The following KIAA0040 variants were observed in gnomAD, a reference collection of about 807,000 sequenced individuals.
KIAA0040 encodes the protein KIAA0040.
A neutral mutation model predicts 7.2 loss-of-function variants in KIAA0040; 10 were observed. That is an observed-to-expected ratio of 1.38 (90% CI 0.85 to 2.34). The LOEUF is 2.34. Ranked by LOEUF, KIAA0040 falls within the 30% of genes most tolerant of loss-of-function variation. The probability of loss-of-function intolerance (pLI) is 0.00; values close to 1 mark genes in which losing one functional copy is unlikely to be tolerated. For synonymous variants in KIAA0040, 49 were observed against 40.1 expected, an observed-to-expected ratio of 1.22 and a Z score of -0.84; for missense variants, 89 against 108.2, an observed-to-expected ratio of 0.82 and a Z score of 0.79.
intron 2 of KIAA0040, among the ~76,000 whole-genome samples, chr1:175,169,296 G>A (rs1269563318): frequency 6.6e-6 from 1 of 152,176 alleles, no homozygotes. Flanking sequence ...TAGTGCTTTT[G>A]AGCAGTGGTT....
intron 1 of KIAA0040, among the ~76,000 whole-genome samples, chr1:175,184,524 T>G (rs1263167464): frequency 6.6e-6 from 1 of 152,202 alleles, no homozygotes; most frequent in African/African-American, 2.4e-5. Flanking sequence ...ACAACTGTTT[T>G]GAGAAAGTCT....
intron 2 of KIAA0040, among the ~76,000 whole-genome samples, chr1:175,169,887 T>C (rs1676917307): frequency 6.6e-6 from 1 of 152,124 alleles, no homozygotes; most frequent in Non-Finnish European, 1.5e-5. Context: ...TTTCCTACTT[T>C]CCCTTTTTTC....
intron 1 of KIAA0040, among the ~76,000 whole-genome samples, chr1:175,187,536 T>A (rs1478336461): frequency 6.6e-6 from 1 of 152,178 alleles, no homozygotes; most frequent in Non-Finnish European, 1.5e-5. Context: ...ACATTTAATA[T>A]CTTACTTGAG....
chr1:175,171,504 T>C (rs999654575), intron 2 of KIAA0040, among the ~76,000 whole-genome samples: 4 of 152,030 alleles, frequency 2.6e-5, no homozygotes, highest in Non-Finnish European at 4.4e-5. Context: ...GGAGAAAGAG[T>C]AGAAGAACCA....
intron 1 of KIAA0040, among the ~76,000 whole-genome samples, chr1:175,182,056 G>A (rs1421412187): frequency 6.6e-6 from 1 of 152,186 alleles, no homozygotes; most frequent in Non-Finnish European, 1.5e-5. Context: ...ATTTTTCAAG[G>A]TTCTGGCCGT....
intron 1 of KIAA0040, among the ~76,000 whole-genome samples, chr1:175,178,739 G>A (rs1003849444): frequency 2.6e-5 from 4 of 152,192 alleles, no homozygotes; most frequent in Non-Finnish European, 5.9e-5. Flanking sequence ...TCTAAGACGG[G>A]AAGACAATGA....
At position 175,157,132 on chromosome 1, in the gene KIAA0040, G is replaced by A. The variant is rs1233295231; in HGVS notation, c.*3582C>T. 6.6e-6 allele frequency: 1 copy of A among 152,088 alleles called. No homozygotes were observed. Among genetic ancestry groups the A allele is most frequent in the Non-Finnish European group, 1.5e-5 (1 of 68,048 alleles). The allele number at this position is 152,088 out of a possible 1,614,324, so 9.4% of individuals were successfully genotyped here. Reference sequence around the variant, plus strand: ...AGTTTTTGCCCTAGTGGCTACTATAGAGGTTTTTGATCCCTCCTTTCCCAA... The same window carrying A: ...AGTTTTTGCCCTAGTGGCTACTATAAAGGTTTTTGATCCCTCCTTTCCCAA... On this transcript the variant is annotated 3_prime_UTR_variant, in exon 4 of 4. Transcript: ENST00000423313.
rs1676301390 is a variant in KIAA0040 at position 175,157,106 on chromosome 1, C to T, written c.*3608G>A. The T allele has an allele frequency of 1.3e-5, 2 of 152,194 alleles. No homozygotes were observed. Among genetic ancestry groups the T allele is most frequent in the South Asian group, 2.1e-4 (1 of 4,830 alleles). 9.4% of individuals were successfully genotyped at this position (152,194 alleles called of 1,614,324 possible). A position where few individuals can be genotyped will look rare whatever the true frequency, so the allele number is the denominator to read the frequency against. On this transcript the variant is annotated 3_prime_UTR_variant, in exon 4 of 4. Coordinates refer to ENST00000423313, the MANE Select transcript of KIAA0040 (RefSeq NM_014656.3). ...ACACACTTACACACACACATACACA[C>T]AGTTTTTGCCCTAGTGGCTACTATA...
At chr1:175,174,102 A>G (rs1348988657) in intron 2 of KIAA0040, among the ~76,000 whole-genome samples, 1 of 147,858 alleles carries the variant, frequency 6.8e-6, no homozygotes, top group East Asian at 2.1e-4. Context: ...GAAGCATTTT[A>G]AGCTCACCTC....
At chr1:175,182,888 C>T (rs1470763873) in intron 1 of KIAA0040, among the ~76,000 whole-genome samples, 1 of 152,202 alleles carries the variant, frequency 6.6e-6, no homozygotes, top group Non-Finnish European at 1.5e-5. Flanking sequence ...ACCCTGTAGG[C>T]ATCTGAGCTT....
At chr1:175,189,168 C>A (rs989475596) in intron 1 of KIAA0040, among the ~76,000 whole-genome samples, 7 of 152,146 alleles carry the variant, frequency 4.6e-5, no homozygotes, top group African/African-American at 1.7e-4. Flanking sequence ...TATTAGAACT[C>A]TGTTTACTTG....
At chr1:175,164,619 T>G (rs1316088632) in intron 3 of KIAA0040, among the ~76,000 whole-genome samples, 1 of 151,990 alleles carries the variant, frequency 6.6e-6, no homozygotes, top group Non-Finnish European at 1.5e-5. Context: ...TCTGGATTCC[T>G]AAAGGGACTT....
chr1:175,185,007 A>C (rs1405093840), intron 1 of KIAA0040, among the ~76,000 whole-genome samples: 2 of 152,126 alleles, frequency 1.3e-5, no homozygotes, highest in Non-Finnish European at 2.9e-5. Flanking sequence ...CTTCGTGGAG[A>C]CCTCAATTTC....
intron 3 of KIAA0040, among the ~76,000 whole-genome samples, chr1:175,163,063 G>T (rs766898638): frequency 2.6e-5 from 4 of 152,170 alleles, no homozygotes; most frequent in Non-Finnish European, 5.9e-5. Context: ...CACACGGTGA[G>T]TGAGTGCCAG....
chr1:175,186,499 C>T (rs1484134216), intron 1 of KIAA0040, among the ~76,000 whole-genome samples: 2 of 152,214 alleles, frequency 1.3e-5, no homozygotes, highest in African/African-American at 4.8e-5. Context: ...CGAACTTCTT[C>T]CTCTGTGGCA....
chr1:175,178,279 C>T (rs1444338392), intron 1 of KIAA0040, among the ~76,000 whole-genome samples: 1 of 152,222 alleles, frequency 6.6e-6, no homozygotes, highest in Non-Finnish European at 1.5e-5. Context: ...TGCCAGGAGG[C>T]AGGGGGGCAG....
At chr1:175,184,681 G>A (rs1677585996) in intron 1 of KIAA0040, among the ~76,000 whole-genome samples, 1 of 152,162 alleles carries the variant, frequency 6.6e-6, no homozygotes, top group African/African-American at 2.4e-5. Context: ...GAAATGCAAT[G>A]ATGGAATAGT....
rs1425253490 is a variant in KIAA0040 at position 175,159,429 on chromosome 1, CCCTTAA to C, written c.*1279_*1284del. 1 of 152,226 alleles carries C rather than the reference CCCTTAA, an allele frequency of 6.6e-6. No individual in the cohort carries two copies. 9.4% of individuals were successfully genotyped at this position (152,226 alleles called of 1,614,324 possible). The stretch of plus-strand genomic sequence containing the variant: ...GAACTGGTGAGGTATTACAAGCTTA[CCCTTAA>C]CAACATCACATATCCAACAGTAACC... On this transcript the variant is annotated 3_prime_UTR_variant, in exon 4 of 4. Transcript: ENST00000423313.
At chr1:175,180,760 T>C (rs1339734692) in intron 1 of KIAA0040, among the ~76,000 whole-genome samples, 1 of 152,186 alleles carries the variant, frequency 6.6e-6, no homozygotes, top group Non-Finnish European at 1.5e-5. Context: ...TGGGGTGCCA[T>C]GTTGAATATC....
Sources: allele counts gnomAD v4.1 joint callset (sites outside exome capture counted in the v4.1 genomes callset), GRCh38; gene constraint gnomAD v4.1.1; transcripts MANE v1.5; gene names NCBI Gene and HGNC (gene_info 2026-07-23, HGNC 2026-07-21).